Variants in CCDC57 observed in about 807,000 individuals in gnomAD.
CCDC57 encodes coiled-coil domain containing 57.
A neutral mutation model predicts 118.9 loss-of-function variants in CCDC57; 118 were observed. The observed-to-expected ratio is 0.99, with a 90% CI of 0.86 to 1.16. The LOEUF is 1.16. Ranked by LOEUF, CCDC57 falls within the 50% of genes most tolerant of loss-of-function variation. The pLI, the probability that CCDC57 is intolerant of heterozygous loss-of-function variation, is 0.00. For synonymous variants in CCDC57, 527 were observed against 532.9 expected (o/e 0.99, Z 0.15); for missense variants, 1,300 against 1,320.7 (o/e 0.98, Z 0.24).
chr17:82,195,486 C>T (rs1455286453), intron 4 of CCDC57, 122 bp from the exon 4 acceptor site: 1 of 759,304 alleles, frequency 1.3e-6, no homozygotes, highest in African/African-American at 1.7e-5. Flanking sequence ...AAGGACCACA[C>T]ACACTGTCCA....
chr17:82,146,326 A>G (rs2040731037), intron 16 of CCDC57, among the ~76,000 whole-genome samples: 3 of 152,180 alleles, frequency 2.0e-5, no homozygotes, highest in Admixed American at 6.5e-5. Flanking sequence ...CAGATAGACC[A>G]GTCAGTCTTG....
intron 11 of CCDC57, among the ~76,000 whole-genome samples, chr17:82,174,842 C>T (rs2045266302): frequency 6.6e-6 from 1 of 152,156 alleles, no homozygotes; most frequent in Non-Finnish European, 1.5e-5. Context: ...CTTTGAGTTC[C>T]CCTCCCCTTC....
chr17:82,170,507 CAAA>C (rs35462707), intron 13 of CCDC57, among the ~76,000 whole-genome samples: 8 of 99,208 alleles, frequency 8.1e-5, no homozygotes, highest in Admixed American at 1.2e-4. Context: ...GACTCTGTCC[CAAA>C]AAAAAAAAAA....
Position 82,171,756 on chromosome 17 carries a change from C to T in CCDC57, c.1827G>A (p.Met609Ile), listed in dbSNP as rs769219902. The change falls in exon 13 of 20, where the codon ATG becomes ATA. Residue 609 changes from methionine (M) to isoleucine (I), a missense_variant. Met to Ile is a conservative substitution (Grantham distance 10). Transcript: ENST00000665763. The stretch of plus-strand genomic sequence containing the variant: ...GCTGAGACTCAGCATGAGGTGAGGA[C>T]ATCTTTAAAGGATCCAACACATCTT... 8 of 1,613,922 alleles carry T rather than the reference C, an allele frequency of 5.0e-6. No homozygotes were observed. In the South Asian group the frequency reaches 8.8e-5, roughly 18 times the overall value.
chr17:82,178,983 GCA>G (rs1847393389), intron 10 of CCDC57, 42 bp downstream of exon 9: 1 of 1,598,544 alleles, frequency 6.3e-7, no homozygotes, highest in Admixed American at 1.7e-5. Context: ...CCCCACCTCT[GCA>G]GAGACGCCGA....
chr17:82,149,977 G>GCACCCAGAACCAGGCGCA (rs1366398690), intron 16 of CCDC57, among the ~76,000 whole-genome samples: 22 of 109,420 alleles, frequency 2.0e-4, no homozygotes, highest in Admixed American at 6.8e-4. Flanking sequence ...AACCTGACCC[G>GCACCCAGAACCAGGCGCA]CACCCAGAAC....
chr17:82,146,343 C>G (rs542888134), intron 16 of CCDC57, among the ~76,000 whole-genome samples: 1 of 152,150 alleles, frequency 6.6e-6, no homozygotes, highest in African/African-American at 2.4e-5. Flanking sequence ...CTTGCCTAAA[C>G]CTTTGCAATC....
At chr17:82,113,366 C>T (rs2035434401) in intron 19 of CCDC57, 2 of 716,776 alleles carry the variant, frequency 2.8e-6, no homozygotes, top group East Asian at 5.4e-5. Context: ...ACCAGCGTGA[C>T]CTGCTCTCTC....
intron 16 of CCDC57, among the ~76,000 whole-genome samples, chr17:82,142,051 T>C (rs1417493446): frequency 6.6e-6 from 1 of 152,226 alleles, no homozygotes; most frequent in Admixed American, 6.5e-5. Flanking sequence ...TTGTGCTTTT[T>C]TGACCTTTCC....
chr17:82,185,947 T>G (rs1347283073), intron 8 of CCDC57, among the ~76,000 whole-genome samples: 2 of 152,114 alleles, frequency 1.3e-5, no homozygotes, highest in African/African-American at 2.4e-5. Flanking sequence ...AGAGACAGAG[T>G]CTTGCTCTGC....
chr17:82,145,412 TGGCG>T (rs1311822399), intron 16 of CCDC57, among the ~76,000 whole-genome samples: 4 of 151,576 alleles, frequency 2.6e-5, no homozygotes, highest in Non-Finnish European at 5.9e-5. Context: ...CTGGGCATGG[TGGCG>T]GGCGCCTGTA....
intron 2 of CCDC57, among the ~76,000 whole-genome samples, chr17:82,205,816 A>T (rs2049555341): frequency 6.6e-6 from 1 of 152,096 alleles, no homozygotes. Flanking sequence ...CCAGCGCTTT[A>T]TCCATCACAC....
At chr17:82,110,774 C>T (rs1271254000) in intron 19 of CCDC57, among the ~76,000 whole-genome samples, 1 of 152,032 alleles carries the variant, frequency 6.6e-6, no homozygotes, top group Non-Finnish European at 1.5e-5. Flanking sequence ...CCTGTAATCC[C>T]AGTACTTTGG....
chr17:82,145,072 G>C (rs1200575462), intron 16 of CCDC57, among the ~76,000 whole-genome samples: 1 of 143,764 alleles, frequency 7.0e-6, no homozygotes, highest in Non-Finnish European at 1.5e-5. Flanking sequence ...ACCCAGGCTG[G>C]AGTGCAGTGG....
chr17:82,107,463 C>T (rs569292051), intron 19 of CCDC57: 13 of 470,284 alleles, frequency 2.8e-5, no homozygotes, highest in Middle Eastern at 4.1e-4. Flanking sequence ...TCCAGCTGCA[C>T]GGCACACGGG....
chr17:82,136,575 A>G (rs1211438349), intron 16 of CCDC57, among the ~76,000 whole-genome samples: 1 of 126,698 alleles, frequency 7.9e-6, no homozygotes, highest in Non-Finnish European at 1.6e-5. Flanking sequence ...TTATATGTAT[A>G]GTACCAAAAA....
At chr17:82,154,089 A>C (rs1327245468) in intron 15 of CCDC57, 1 of 152,334 alleles carries the variant, frequency 6.6e-6, no homozygotes, top group Non-Finnish European at 1.5e-5. Flanking sequence ...ACATCCCCCA[A>C]CTCAGCCCTG....
In CCDC57 at chr17:82,193,647, C is replaced by T. The variant is rs186786809; in HGVS notation, c.851+109G>A. The T allele has an allele frequency of 4.6e-5, 41 of 892,482 alleles. No individual in the cohort carries two copies. In the East Asian group the frequency reaches 9.9e-4, roughly 22 times the overall value. The allele number at this position is 892,482 out of a possible 1,614,324, so 55.3% of individuals were successfully genotyped here. On this transcript the variant is annotated intron_variant, in intron 7 of 19. Transcript: ENST00000665763. ...AAAACAGCGGGCTCCCAGGTCCGATCCCTGGAGTGGGACCCTCTGCTCCCT... is the reference window on the plus strand; with the variant it reads ...AAAACAGCGGGCTCCCAGGTCCGATTCCTGGAGTGGGACCCTCTGCTCCCT...
At chr17:82,208,789 A>G (rs912918808) in intron 1 of CCDC57, among the ~76,000 whole-genome samples, 7 of 152,094 alleles carry the variant, frequency 4.6e-5, no homozygotes, top group African/African-American at 1.7e-4. Flanking sequence ...TCTCACCTTT[A>G]AATGTACTGA....
Sources: gnomAD v4.1 joint callset for allele counts (sites outside exome capture counted in the v4.1 genomes callset) on GRCh38, gnomAD v4.1.1 for gene constraint, MANE v1.5 for transcripts, NCBI Gene and HGNC (gene_info 2026-07-23, HGNC 2026-07-21) for gene names.